CACNG2: variants seen among roughly 807,000 people sequenced by gnomAD.
CACNG2 encodes voltage-dependent calcium channel gamma-2 subunit.
In CACNG2, 3 loss-of-function variants were observed where a neutral mutation model predicts 25.9. The observed-to-expected ratio is 0.12, with a 90% confidence interval of 0.05 to 0.30. The LOEUF (loss-of-function observed/expected upper bound fraction) is 0.30. Among genes scored for constraint, CACNG2 ranks in the 10% least tolerant of loss-of-function variants. CACNG2 has a pLI of 1.00. For missense variants in CACNG2, 341 were observed against 432.5 expected, an observed-to-expected ratio of 0.79 and a Z score of 1.88; for synonymous variants, 167 against 173.3, an observed-to-expected ratio of 0.96 and a Z score of 0.29.
intron 2 of CACNG2, among the ~76,000 whole-genome samples, chr22:36,576,894 C>T (rs1000754499): frequency 1.3e-5 from 2 of 152,140 alleles, no homozygotes; most frequent in Admixed American, 6.6e-5. Flanking sequence ...GTTCAATGAA[C>T]GTGTGCTATA....
intron 1 of CACNG2, among the ~76,000 whole-genome samples, chr22:36,682,657 A>G (rs567030587): frequency 6.6e-6 from 1 of 152,190 alleles, no homozygotes; most frequent in South Asian, 2.1e-4. Context: ...TAACAACACA[A>G]TTATTTGGGA....
intron 1 of CACNG2, among the ~76,000 whole-genome samples, chr22:36,629,628 G>A (rs78776234): frequency 0.045 from 6,915 of 152,030 alleles, 290 homozygotes; most frequent in African/African-American, 0.1. Flanking sequence ...GGCAGGTAAA[G>A]GGGGCCAGGT....
At chr22:36,594,867 T>A (rs1935653195) in intron 1 of CACNG2, among the ~76,000 whole-genome samples, 1 of 150,462 alleles carries the variant, frequency 6.6e-6, no homozygotes, top group Non-Finnish European at 1.5e-5. Context: ...TGTGCATGGG[T>A]GTTTGTGTGT....
chr22:36,680,524 C>T (rs1414664074), intron 1 of CACNG2, among the ~76,000 whole-genome samples: 2 of 148,968 alleles, frequency 1.3e-5, no homozygotes, highest in East Asian at 2.0e-4. Flanking sequence ...CCTTCATGAT[C>T]ACTGCCACCT....
At chr22:36,700,234 G>C (rs190398450) in intron 1 of CACNG2, among the ~76,000 whole-genome samples, 10 of 152,362 alleles carry the variant, frequency 6.6e-5, no homozygotes, top group African/African-American at 2.2e-4. Flanking sequence ...AAAGTTAAAG[G>C]GGGTGGGCAG....
At chr22:36,621,317 G>A (rs1936100485) in intron 1 of CACNG2, among the ~76,000 whole-genome samples, 1 of 152,168 alleles carries the variant, frequency 6.6e-6, no homozygotes, top group African/African-American at 2.4e-5. Flanking sequence ...AAACCAGCCT[G>A]GCTTACATGG....
intron 1 of CACNG2, among the ~76,000 whole-genome samples, chr22:36,594,752 C>T (rs994896233): frequency 5.2e-4 from 54 of 104,106 alleles, no homozygotes; most frequent in African/African-American, 1.6e-3. Context: ...GGTGTGTGTG[C>T]GTATGTGTGT....
rs149868885 is a variant in CACNG2 at position 36,619,578 on chromosome 22, G to A, written c.212-32030C>T. 2.0e-3 allele frequency among the ~76,000 whole-genome samples: 306 copies of A among 152,260 alleles called. 1 individual carries two copies. The highest frequency in any genetic ancestry group is 3.5e-3 in the South Asian group (17 of 4,816). ...TTATCTTAAGACCCTCATACATAAA[G>A]ACCACCGTAATGTCATTTGACATCA... On this transcript the variant is annotated intron_variant, in intron 1 of 3. Coordinates refer to ENST00000300105, the MANE Select transcript of CACNG2 (RefSeq NM_006078.5).
At chr22:36,660,805 C>T (rs1788003769) in intron 1 of CACNG2, among the ~76,000 whole-genome samples, 1 of 152,262 alleles carries the variant, frequency 6.6e-6, no homozygotes, top group South Asian at 2.1e-4. Context: ...CATCCCAGTC[C>T]TCACTCACAA....
intron 1 of CACNG2, among the ~76,000 whole-genome samples, chr22:36,685,667 T>G (rs148115965): frequency 8.5e-5 from 13 of 152,304 alleles, no homozygotes; most frequent in African/African-American, 3.1e-4. Flanking sequence ...GGCCTGGTTC[T>G]TATGTTCTCC....
intron 1 of CACNG2, among the ~76,000 whole-genome samples, chr22:36,636,395 C>T (rs748459755): frequency 4.6e-5 from 7 of 152,146 alleles, no homozygotes; most frequent in East Asian, 1.9e-4. Context: ...CTTGATGTTG[C>T]GCCTAGATCA....
At chr22:36,571,053 C>T (rs1052701763) in intron 2 of CACNG2, among the ~76,000 whole-genome samples, 1 of 152,128 alleles carries the variant, frequency 6.6e-6, no homozygotes, top group Non-Finnish European at 1.5e-5. Flanking sequence ...CCTCAGTTTC[C>T]CCATCCTGTG....
rs1182507203 is a variant in CACNG2, at chr22:36,702,405, T to C, written c.172A>G (p.Met58Val). The C allele has an allele frequency of 6.2e-7, 1 of 1,614,120 alleles. No homozygotes were observed. Among genetic ancestry groups the C allele is most frequent in the East Asian group, 2.2e-5 (1 of 44,882 alleles). ...NETSKKNEEV[M>V]THSGLWRTCC... is the part of the protein sequence containing the mutation. ...GTTCTCCATAATCCGGAATGGGTCA[T>C]AACTTCCTCGTTCTTTTTGCTGGTT... is the stretch of plus-strand genomic sequence containing the variant. Residue 58 changes from methionine (M) to valine (V), a missense_variant, in exon 1 of 4, where the codon ATG becomes GTG. Transcript: ENST00000300105.
intron 1 of CACNG2, among the ~76,000 whole-genome samples, chr22:36,623,966 C>T (rs1421555413): frequency 6.6e-6 from 1 of 152,094 alleles, no homozygotes; most frequent in East Asian, 1.9e-4. Flanking sequence ...CGGGGTTGGT[C>T]TCAAAGTTCT....
chr22:36,702,745 G>A lies in CACNG2; in HGVS notation c.-169C>T. The A allele has an allele frequency of 1.7e-6, 1 of 587,280 alleles. No individual in the cohort carries two copies. Among genetic ancestry groups the A allele is most frequent in the Non-Finnish European group, 3.0e-6 (1 of 335,152 alleles). The allele number at this position is 587,280 out of a possible 1,614,324, so 36.4% of individuals were successfully genotyped here. ...TATGGAGAGTTATAAAAAAAGGGAG[G>A]TAAGAAAGCTCACGGAAAAGAGTGT... is the stretch of plus-strand genomic sequence containing the variant. On this transcript the variant is annotated 5_prime_UTR_variant, in exon 1 of 4. Transcript: ENST00000300105.
At chr22:36,598,821 A>G (rs1228942741) in intron 1 of CACNG2, among the ~76,000 whole-genome samples, 1 of 151,838 alleles carries the variant, frequency 6.6e-6, no homozygotes, top group African/African-American at 2.4e-5. Flanking sequence ...TGTACCCAAA[A>G]TACAAAAATT....
chr22:36,643,774 C>T (rs1291823658), intron 1 of CACNG2, among the ~76,000 whole-genome samples: 3 of 152,114 alleles, frequency 2.0e-5, no homozygotes, highest in Non-Finnish European at 4.4e-5. Context: ...CACCACAGTC[C>T]CTATTTCTTC....
At chr22:36,698,744 T>C (rs746166971) in intron 1 of CACNG2, among the ~76,000 whole-genome samples, 7 of 152,202 alleles carry the variant, frequency 4.6e-5, no homozygotes, top group Non-Finnish European at 1.0e-4. Flanking sequence ...ATTTCTGTTC[T>C]GCCTCACAGT....
chr22:36,683,140 A>C (rs1022574014), intron 1 of CACNG2, among the ~76,000 whole-genome samples: 1 of 152,218 alleles, frequency 6.6e-6, no homozygotes, highest in East Asian at 1.9e-4. Flanking sequence ...ATTGCTGTAT[A>C]GACAAGATAT....
Sources: gnomAD v4.1 joint callset for allele counts (sites outside exome capture counted in the v4.1 genomes callset) on GRCh38, gnomAD v4.1.1 for gene constraint, MANE v1.5 for transcripts, NCBI Gene and HGNC (gene_info 2026-07-23, HGNC 2026-07-21) for gene names.